Variants in CAPS2 observed in about 807,000 individuals in gnomAD.
The protein encoded by CAPS2 is calcyphosine 2.
A neutral mutation model predicts 86.5 loss-of-function variants in CAPS2; 98 were observed. The ratio of observed to expected loss-of-function variants is 1.13; its 90% CI spans 0.96 to 1.34. The LOEUF is 1.34. CAPS2 is among the 40% of genes most tolerant of loss of function. The pLI is 0.00. For missense variants in CAPS2, 729 were observed against 686.8 expected (o/e 1.06, Z -0.69); for synonymous variants, 210 against 225.1 (o/e 0.93, Z 0.60).
At chr12:75,322,184 T>A (rs2040368231) in intron 4 of CAPS2, among the ~76,000 whole-genome samples, 1 of 152,204 alleles carries the variant, frequency 6.6e-6, no homozygotes, top group Admixed American at 6.5e-5. Flanking sequence ...GAAACCTTCA[T>A]TCTGTTTTCC....
intron 1 of CAPS2, among the ~76,000 whole-genome samples, chr12:75,348,571 T>C (rs148207405): frequency 2.3e-3 from 344 of 152,250 alleles, no homozygotes; most frequent in African/African-American, 7.8e-3. Context: ...ATCACAAGAT[T>C]TGAAATGGAA....
At chr12:75,330,446 T>C (rs1356166550), upstream of CAPS2, among the ~76,000 whole-genome samples, 1 of 152,252 alleles carries the variant, frequency 6.6e-6, no homozygotes, top group Non-Finnish European at 1.5e-5. Flanking sequence ...TAATTCTTTG[T>C]CTAATTGAAT....
chr12:75,383,620 T>C (rs1353415788), intron 1 of CAPS2, among the ~76,000 whole-genome samples: 2 of 152,158 alleles, frequency 1.3e-5, no homozygotes, highest in East Asian at 1.9e-4. Context: ...CTGAAATGTA[T>C]AGATTCAGCA....
intron 7 of CAPS2, among the ~76,000 whole-genome samples, 179 bp downstream of exon 7, chr12:75,312,669 C>T (rs528288471): frequency 2.0e-5 from 3 of 152,004 alleles, no homozygotes; most frequent in East Asian, 1.9e-4. Context: ...TATTTCTATT[C>T]GTCTAAGAGT....
chr12:75,340,355 A>G (rs933908384), intron 1 of CAPS2, among the ~76,000 whole-genome samples: 5 of 151,968 alleles, frequency 3.3e-5, no homozygotes, highest in African/African-American at 9.6e-5. Context: ...GAGCAAGGAT[A>G]GTCTATTCAA....
chr12:75,282,978 G>C (rs1170953712), intron 15 of CAPS2, among the ~76,000 whole-genome samples: 1 of 152,072 alleles, frequency 6.6e-6, no homozygotes, highest in African/African-American at 2.4e-5. Context: ...AGACCTCTCA[G>C]GTAACTTCCA....
At position 75,285,005 on chromosome 12, in the gene CAPS2, T is replaced by C. The variant is rs147185184; in HGVS notation, c.1471A>G (p.Ile491Val). 4.4e-5 allele frequency: 71 copies of C among 1,609,978 alleles called. No homozygotes were observed. The African/African-American group carries it at 8.5e-4, about 19-fold the overall frequency. Residue 491 changes from isoleucine (I) to valine (V), a missense_variant, in exon 15 of 17, where the codon ATT (isoleucine) becomes GTT (valine). Ile to Val is a conservative substitution (Grantham distance 29). Coordinates refer to ENST00000393284, the Ensembl canonical transcript of CAPS2. ...CTGTATTCATTCATTTCACCAATAA[T>C]ACCACGTTTGAATTCTCCATAATCA...
At chr12:75,299,994 T>A in intron 8 of CAPS2, 83 bp from the exon 9 acceptor site, 1 of 560,578 alleles carries the variant, frequency 1.8e-6, no homozygotes, top group South Asian at 3.5e-5. Context: ...AAAAGTTATG[T>A]TAATATTTTG....
At chr12:75,343,672 T>G in intron 1 of CAPS2, 1 of 1,557,678 alleles carries the variant, frequency 6.4e-7, no homozygotes, top group Non-Finnish European at 8.7e-7. Flanking sequence ...CAATTCAATT[T>G]AAATTATTTT....
chr12:75,300,027 A>G (rs538620956), intron 8 of CAPS2, 116 bp from the exon 9 acceptor site: 4 of 455,836 alleles, frequency 8.8e-6, no homozygotes, highest in Admixed American at 8.3e-5. Context: ...TTGGATAACA[A>G]TAAAGGTAAA....
chr12:75,375,590 G>A (rs2044608625), intron 1 of CAPS2, among the ~76,000 whole-genome samples: 1 of 152,186 alleles, frequency 6.6e-6, no homozygotes, highest in African/African-American at 2.4e-5. Context: ...GAAACTGATT[G>A]AGGGTCTGTG....
intron 14 of CAPS2, among the ~76,000 whole-genome samples, chr12:75,285,817 C>T (rs908892005): frequency 6.6e-5 from 10 of 151,888 alleles, no homozygotes; most frequent in Non-Finnish European, 4.4e-5. Context: ...TCCTGGAGTG[C>T]TTCCAATGGC....
At chr12:75,358,713 CAT>C (rs1303983620) in intron 1 of CAPS2, among the ~76,000 whole-genome samples, 1 of 141,588 alleles carries the variant, frequency 7.1e-6, no homozygotes, top group African/African-American at 2.6e-5. Flanking sequence ...TTTTTTAAAC[CAT>C]ATATATAATA....
intron 1 of CAPS2, among the ~76,000 whole-genome samples, chr12:75,359,130 A>G (rs1173496010): frequency 6.6e-6 from 1 of 150,446 alleles, no homozygotes; most frequent in Non-Finnish European, 1.5e-5. Context: ...AAATTAGTAT[A>G]CAAAAATTAA....
At chr12:75,304,947 A>C in intron 7 of CAPS2, 71 bp from the exon 8 acceptor site, 1 of 1,489,566 alleles carries the variant, frequency 6.7e-7, no homozygotes, top group Non-Finnish European at 9.2e-7. Context: ...CATATTTATA[A>C]GCAGTTCTAA....
intron 12 of CAPS2, among the ~76,000 whole-genome samples, chr12:75,292,518 G>A (rs2036149667): frequency 6.7e-6 from 1 of 149,704 alleles, no homozygotes; most frequent in Non-Finnish European, 1.5e-5. Context: ...AGTAAATGAT[G>A]AAGAAACACA....
chr12:75,293,342 G>A, exon 12 of CAPS2: 2 of 1,611,246 alleles, frequency 1.2e-6, no homozygotes, highest in Non-Finnish European at 1.7e-6. Context: ...GAGATGATCA[G>A]AACTCAAAAA....
chr12:75,334,689 C>G (rs565146614), upstream of CAPS2: 127 of 1,589,664 alleles, frequency 8.0e-5, 1 homozygote, highest in South Asian at 1.4e-3. Flanking sequence ...GTTACTGGTC[C>G]GCGCAGTCAG....
intron 1 of CAPS2, among the ~76,000 whole-genome samples, chr12:75,348,721 C>T (rs919722109): frequency 1.3e-5 from 2 of 152,012 alleles, no homozygotes; most frequent in African/African-American, 2.4e-5. Flanking sequence ...TGAAAGCATA[C>T]GAGAATAGTG....
Sources: gnomAD v4.1 joint callset for allele counts (sites outside exome capture counted in the v4.1 genomes callset) on GRCh38, gnomAD v4.1.1 for gene constraint, MANE v1.5 for transcripts, NCBI Gene and HGNC (gene_info 2026-07-23, HGNC 2026-07-21) for gene names.